CDH13: variants seen among roughly 807,000 people sequenced by gnomAD.
CDH13 encodes cadherin 13.
A neutral mutation model predicts 63.8 loss-of-function variants in CDH13; 24 were observed. The ratio of observed to expected loss-of-function variants is 0.38; its 90% CI spans 0.27 to 0.53. The LOEUF (loss-of-function observed/expected upper bound fraction) is 0.53. Ranked by LOEUF, CDH13 falls within the 20% of genes least tolerant of loss-of-function variation. The probability of loss-of-function intolerance (pLI) is 0.85; values close to 1 mark genes in which losing one functional copy is unlikely to be tolerated. For missense variants in CDH13, 1,049 were observed against 903.1 expected (o/e 1.16, Z -2.07); for synonymous variants, 503 against 355.3 (o/e 1.42, Z -4.67).
At chr16:83,560,036 C>T (rs915719692) in intron 7 of CDH13, among the ~76,000 whole-genome samples, 3 of 152,134 alleles carry the variant, frequency 2.0e-5, no homozygotes, top group African/African-American at 7.2e-5. Flanking sequence ...ACCCTCATCG[C>T]TTCAACTTCC....
chr16:82,751,510 A>G (rs2034414369), intron 1 of CDH13, among the ~76,000 whole-genome samples: 2 of 152,092 alleles, frequency 1.3e-5, no homozygotes, highest in South Asian at 2.1e-4. Context: ...TGCAACTAGC[A>G]TGGACCAGAG....
intron 7 of CDH13, among the ~76,000 whole-genome samples, chr16:83,566,975 C>T (rs12102610): frequency 0.012 from 1,860 of 152,272 alleles, 32 homozygotes; most frequent in African/African-American, 0.043. Context: ...ACGTTCCCTC[C>T]ATCCCTGGGA....
chr16:82,917,482 G>A (rs1007586077), intron 2 of CDH13, among the ~76,000 whole-genome samples: 6 of 152,164 alleles, frequency 3.9e-5, no homozygotes, highest in Non-Finnish European at 8.8e-5. Context: ...AGTTGAGAAA[G>A]GCAAGAGAGG....
chr16:83,469,035 A>G (rs1421071592), intron 6 of CDH13, among the ~76,000 whole-genome samples: 1 of 152,272 alleles, frequency 6.6e-6, no homozygotes, highest in South Asian at 2.1e-4. Flanking sequence ...TTTCCCTGGT[A>G]TATCTTTTCT....
intron 6 of CDH13, among the ~76,000 whole-genome samples, chr16:83,474,209 C>G (rs1274890205): frequency 6.6e-6 from 1 of 152,146 alleles, no homozygotes; most frequent in Non-Finnish European, 1.5e-5. Flanking sequence ...CATGGAATTA[C>G]TGCAAAGGTC....
At chr16:83,274,557 C>G (rs1398954401) in intron 5 of CDH13, among the ~76,000 whole-genome samples, 1 of 152,126 alleles carries the variant, frequency 6.6e-6, no homozygotes, top group African/African-American at 2.4e-5. Context: ...GTAATGTATT[C>G]CTTCAAGAAA....
intron 3 of CDH13, among the ~76,000 whole-genome samples, chr16:83,081,590 G>A (rs72796260): frequency 0.051 from 7,720 of 152,206 alleles, 211 homozygotes; most frequent in South Asian, 0.089. Context: ...CTGGAGACCA[G>A]AAGTTACAGA....
At chr16:83,188,345 C>T (rs1192619162) in intron 4 of CDH13, among the ~76,000 whole-genome samples, 2 of 152,138 alleles carry the variant, frequency 1.3e-5, no homozygotes, top group Non-Finnish European at 2.9e-5. Context: ...TGGCCGTATT[C>T]TGGATATAAT....
rs752282239 is a variant in CDH13, at chr16:83,795,435, C to A, written c.*405C>A. 7.8e-5 allele frequency: 13 copies of A among 166,216 alleles called. No homozygotes were observed. Among genetic ancestry groups the A allele is most frequent in the Non-Finnish European group, 1.3e-4 (10 of 76,552 alleles). The allele number at this position is 166,216 out of a possible 1,614,324, so 10.3% of individuals were successfully genotyped here. On this transcript the variant is annotated 3_prime_UTR_variant, in exon 14 of 14. Coordinates refer to ENST00000567109, the MANE Select transcript of CDH13 (RefSeq NM_001257.5). ...TATACACGGTATTTATAGAGAGAGACTATCCTGGAGAAGCCTCGTTTTGAT... is the reference window on the plus strand; with the variant it reads ...TATACACGGTATTTATAGAGAGAGAATATCCTGGAGAAGCCTCGTTTTGAT...
intron 1 of CDH13, among the ~76,000 whole-genome samples, chr16:82,707,710 T>A (rs899270005): frequency 2.0e-5 from 3 of 152,164 alleles, no homozygotes; most frequent in Non-Finnish European, 4.4e-5. Flanking sequence ...TGTCTCTGTT[T>A]TCATGTAATT....
chr16:83,042,236 A>G (rs1235862459), intron 3 of CDH13, among the ~76,000 whole-genome samples: 1 of 152,236 alleles, frequency 6.6e-6, no homozygotes, highest in Non-Finnish European at 1.5e-5. Flanking sequence ...AGTGAGTGGC[A>G]GGTGAGCAAG....
chr16:82,848,832 G>A (rs2039369633), intron 1 of CDH13, among the ~76,000 whole-genome samples: 2 of 152,174 alleles, frequency 1.3e-5, no homozygotes, highest in South Asian at 4.1e-4. Context: ...ATCAAACCTA[G>A]AAATGATTAA....
intron 2 of CDH13, among the ~76,000 whole-genome samples, chr16:83,021,272 C>G (rs1012091528): frequency 6.6e-6 from 1 of 152,182 alleles, no homozygotes; most frequent in Admixed American, 6.5e-5. Context: ...ATTCAACAAA[C>G]AGGGTTGAGT....
intron 2 of CDH13, among the ~76,000 whole-genome samples, chr16:82,929,832 C>G (rs2042428027): frequency 6.6e-6 from 1 of 151,674 alleles, no homozygotes; most frequent in Non-Finnish European, 1.5e-5. Context: ...GTTACAGCAT[C>G]CCGAAGAGAC....
chr16:83,699,679 G>A (rs907029652), intron 10 of CDH13, among the ~76,000 whole-genome samples: 1 of 152,174 alleles, frequency 6.6e-6, no homozygotes, highest in African/African-American at 2.4e-5. Flanking sequence ...ACTGTCATCA[G>A]AATTGGTTGC....
intron 6 of CDH13, among the ~76,000 whole-genome samples, chr16:83,429,163 A>T (rs1301694953): frequency 6.6e-6 from 1 of 152,202 alleles, no homozygotes; most frequent in Non-Finnish European, 1.5e-5. Context: ...GACTTTCTAT[A>T]AGACTGGATC....
chr16:83,185,548 C>G (rs1029990517), intron 4 of CDH13, among the ~76,000 whole-genome samples: 1 of 152,144 alleles, frequency 6.6e-6, no homozygotes, highest in Non-Finnish European at 1.5e-5. Context: ...TTTCTCACCA[C>G]GGTAAGTCAT....
chr16:82,677,507 T>A (rs1289408714), intron 1 of CDH13, among the ~76,000 whole-genome samples: 3 of 146,850 alleles, frequency 2.0e-5, no homozygotes, highest in Admixed American at 7.1e-5. Flanking sequence ...AGCACAATGC[T>A]GAACACCTTT....
chr16:82,839,302 G>T (rs1158409292), intron 1 of CDH13, among the ~76,000 whole-genome samples: 1 of 152,154 alleles, frequency 6.6e-6, no homozygotes, highest in African/African-American at 2.4e-5. Context: ...TGGGAAAGGT[G>T]CCCCATTATT....
Sources: gnomAD v4.1 joint callset for allele counts (sites outside exome capture counted in the v4.1 genomes callset) on GRCh38, gnomAD v4.1.1 for gene constraint, MANE v1.5 for transcripts, NCBI Gene and HGNC (gene_info 2026-07-23, HGNC 2026-07-21) for gene names.